The following CENPP variants were observed in gnomAD, a reference collection of about 807,000 sequenced individuals.
CENPP encodes centromere protein P.
CENPP carries 24 observed loss-of-function variants against 35.6 expected under a neutral mutation model. The observed-to-expected ratio is 0.67, with a 90% CI of 0.49 to 0.95. The LOEUF (loss-of-function observed/expected upper bound fraction) is 0.95, where lower values mean the gene tolerates loss of function less well. Ranked by LOEUF, CENPP falls within the 40% of genes least tolerant of loss-of-function variation. CENPP has a pLI of 0.00. For synonymous variants in CENPP, 120 were observed against 125.5 expected (o/e 0.96, Z 0.29); for missense variants, 332 against 345.3 (o/e 0.96, Z 0.31).
chr9:92,395,494 C>T (rs1842858178), intron 5 of CENPP, among the ~76,000 whole-genome samples: 1 of 152,114 alleles, frequency 6.6e-6, no homozygotes, highest in African/African-American at 2.4e-5. Context: ...TTTGTGTGGA[C>T]TTAATGCTTT....
chr9:92,458,044 T>C (rs1478382691), intron 5 of CENPP, among the ~76,000 whole-genome samples: 1 of 152,182 alleles, frequency 6.6e-6, no homozygotes, highest in East Asian at 1.9e-4. Flanking sequence ...CTAAGTTGTT[T>C]TGTAGAAAGA....
intron 5 of CENPP, among the ~76,000 whole-genome samples, chr9:92,407,604 C>T (rs773006464): frequency 5.9e-5 from 9 of 152,132 alleles, no homozygotes; most frequent in Non-Finnish European, 8.8e-5. Flanking sequence ...AAAGAGTCTT[C>T]TTTGTGGAAT....
At chr9:92,361,565 C>T (rs912556043) in intron 4 of CENPP, among the ~76,000 whole-genome samples, 7 of 151,194 alleles carry the variant, frequency 4.6e-5, no homozygotes, top group African/African-American at 9.7e-5. Flanking sequence ...CTGCAACCTC[C>T]GCTCCCCAGG....
At chr9:92,333,173 G>C (rs1352167862) in intron 2 of CENPP, among the ~76,000 whole-genome samples, 1 of 152,198 alleles carries the variant, frequency 6.6e-6, no homozygotes, top group Admixed American at 6.5e-5. Context: ...TGTGCAACTG[G>C]ATGTCAAGAA....
rs528460580 is a variant in CENPP at position 92,564,257 on chromosome 9, C to T, written c.565-47057C>T. ...ACAAAAATTTAGCCAGGTGTGATGG[C>T]GCACACCTGTAATCCCAGCTGCTCG... is the stretch of plus-strand genomic sequence containing the variant. On this transcript the variant is annotated intron_variant, in intron 5 of 7. Transcript: ENST00000375587. Among the ~76,000 whole-genome samples the T allele has an allele frequency of 1.8e-4, 27 of 152,024 alleles. No individual in the cohort carries two copies. In the East Asian group the frequency reaches 2.1e-3, roughly 12 times the overall value.
At chr9:92,600,231 C>T (rs532298101) in intron 5 of CENPP, 20 of 1,299,102 alleles carry the variant, frequency 1.5e-5, no homozygotes, top group Admixed American at 1.2e-4. Context: ...AACAGAAGGG[C>T]GTGGGATCTG....
intron 5 of CENPP, chr9:92,474,806 A>G (rs1478469720): frequency 2.5e-6 from 4 of 1,613,422 alleles, no homozygotes; most frequent in Non-Finnish European, 3.4e-6. Context: ...CATATCCTTC[A>G]GCATCATATT....
Position 92,597,910 on chromosome 9 carries a change from G to A in CENPP, c.565-13404G>A, listed in dbSNP as rs1361532433. Among the ~76,000 whole-genome samples the A allele has an allele frequency of 2.0e-5, 3 of 152,312 alleles. No homozygotes were observed. In the East Asian group the frequency reaches 5.8e-4, roughly 29 times the overall value. Reference sequence around the variant, plus strand: ...TTTGCCTTTAGAGTGATTGCAGGGTGCATGTTTCTAAGGTGTATAAATTAC... The same window carrying A: ...TTTGCCTTTAGAGTGATTGCAGGGTACATGTTTCTAAGGTGTATAAATTAC... On this transcript the variant is annotated intron_variant, in intron 5 of 7. Transcript: ENST00000375587.
At chr9:92,513,996 A>G (rs1847521684) in intron 5 of CENPP, among the ~76,000 whole-genome samples, 1 of 152,238 alleles carries the variant, frequency 6.6e-6, no homozygotes, top group South Asian at 2.1e-4. Context: ...CCTAACTGCT[A>G]TTCTGCAGTA....
chr9:92,609,804 G>A (rs1414326655), intron 5 of CENPP, among the ~76,000 whole-genome samples: 10 of 152,074 alleles, frequency 6.6e-5, no homozygotes, highest in Admixed American at 4.6e-4. Flanking sequence ...GCAGTGGCAC[G>A]ATCTCGGCTC....
intron 4 of CENPP, among the ~76,000 whole-genome samples, chr9:92,368,010 T>C (rs1841928928): frequency 6.6e-6 from 1 of 152,248 alleles, no homozygotes; most frequent in African/African-American, 2.4e-5. Context: ...TGGTAACTGG[T>C]ATTTTGGTGA....
At chr9:92,419,238 T>C (rs1177264781) in intron 5 of CENPP, among the ~76,000 whole-genome samples, 1 of 151,536 alleles carries the variant, frequency 6.6e-6, no homozygotes, top group East Asian at 1.9e-4. Context: ...ATCAATAAAA[T>C]AAGAATTGCA....
intron 5 of CENPP, among the ~76,000 whole-genome samples, chr9:92,514,274 C>CTTTTTT (rs1044226766): frequency 2.3e-5 from 3 of 130,748 alleles, no homozygotes; most frequent in South Asian, 2.5e-4. Flanking sequence ...GAGTCATTTA[C>CTTTTTT]TTTTTTTTTT....
intron 5 of CENPP, among the ~76,000 whole-genome samples, chr9:92,580,321 A>C (rs1398367383): frequency 2.0e-5 from 3 of 152,168 alleles, no homozygotes; most frequent in African/African-American, 7.2e-5. Context: ...CCTCATAAAA[A>C]GAGTTAGGGA....
intron 5 of CENPP, among the ~76,000 whole-genome samples, chr9:92,408,259 C>T (rs1843359344): frequency 6.6e-6 from 1 of 152,154 alleles, no homozygotes; most frequent in Non-Finnish European, 1.5e-5. Flanking sequence ...GATCTCAGCT[C>T]ACTGCAACCT....
chr9:92,443,924 A>G (rs531722773), intron 5 of CENPP, among the ~76,000 whole-genome samples: 3 of 152,226 alleles, frequency 2.0e-5, no homozygotes, highest in Admixed American at 2.0e-4. Flanking sequence ...CGGCCTCCCA[A>G]AGTGCTGGGC....
intron 4 of CENPP, among the ~76,000 whole-genome samples, chr9:92,361,397 TC>T (rs1457734418): frequency 6.6e-6 from 1 of 151,904 alleles, no homozygotes; most frequent in African/African-American, 2.4e-5. Flanking sequence ...CACCTCAGCC[TC>T]CCAAAGTGTT....
At chr9:92,465,771 A>G (rs537738056) in intron 5 of CENPP, among the ~76,000 whole-genome samples, 44 of 152,244 alleles carry the variant, frequency 2.9e-4, no homozygotes, top group African/African-American at 9.6e-4. Flanking sequence ...AAATTAAATA[A>G]TAAGTTATAT....
At chr9:92,550,667 G>A (rs568118907) in intron 5 of CENPP, among the ~76,000 whole-genome samples, 1 of 152,176 alleles carries the variant, frequency 6.6e-6, no homozygotes, top group Non-Finnish European at 1.5e-5. Context: ...TGAGGCAAGA[G>A]TACAAATGAA....
Sources: allele counts gnomAD v4.1 joint callset (sites outside exome capture counted in the v4.1 genomes callset), GRCh38; gene constraint gnomAD v4.1.1; transcripts MANE v1.5; gene names NCBI Gene and HGNC (gene_info 2026-07-23, HGNC 2026-07-21).